Variants in NOSTRIN observed in about 807,000 individuals in gnomAD.
The protein encoded by NOSTRIN is nitric oxide synthase trafficking.
In NOSTRIN, 63 loss-of-function variants were observed where a neutral mutation model predicts 59.0. The observed-to-expected ratio is 1.07, with a 90% confidence interval of 0.87 to 1.32. The LOEUF is 1.32. Ranked by LOEUF, NOSTRIN falls within the 40% of genes most tolerant of loss-of-function variation. NOSTRIN has a pLI of 0.00. For synonymous variants in NOSTRIN, 200 were observed against 165.4 expected (o/e 1.21, Z -1.61); for missense variants, 512 against 473.1 (o/e 1.08, Z -0.76).
chr2:168,852,540 C>G (rs901944477), intron 10 of NOSTRIN, among the ~76,000 whole-genome samples: 5 of 152,200 alleles, frequency 3.3e-5, no homozygotes, highest in African/African-American at 1.2e-4. Context: ...CCTGGGTCCT[C>G]TGCCATATTT....
intron 2 of NOSTRIN, among the ~76,000 whole-genome samples, chr2:168,813,890 A>T (rs1686274836): frequency 6.6e-6 from 1 of 152,194 alleles, no homozygotes; most frequent in Admixed American, 6.5e-5. Flanking sequence ...TTACAATTAA[A>T]TTATTTCCCC....
At chr2:168,806,812 A>G (rs1207478896) in intron 1 of NOSTRIN, among the ~76,000 whole-genome samples, 3 of 152,170 alleles carry the variant, frequency 2.0e-5, no homozygotes, top group African/African-American at 7.2e-5. Context: ...TGGGTAGGAA[A>G]AGAACACCAA....
upstream of NOSTRIN, among the ~76,000 whole-genome samples, chr2:168,793,837 G>A (rs2105500871): frequency 6.6e-6 from 1 of 152,196 alleles, no homozygotes; most frequent in Middle Eastern, 3.4e-3. Context: ...TAATTTTCTG[G>A]ATACAACAGA....
Position 168,851,287 on chromosome 2 carries a change from G to A in NOSTRIN, c.738G>A (p.Thr246=), listed in dbSNP as rs369809650. The A allele has an allele frequency of 1.1e-5, 17 of 1,613,584 alleles. No homozygotes were observed. The South Asian group carries it at 1.3e-4, about 13-fold the overall frequency. Residue 246 remains threonine (T), a synonymous_variant, in exon 10 of 16, where the codon ACG becomes ACA. Transcript: ENST00000317647. The part of the protein sequence containing the change: ...LFGQTLTTCH[T]QIHCAISKID... The stretch of plus-strand genomic sequence containing the variant: ...TCCCCTTGGCATTGCAGTGCCACAC[G>A]CAGATTCACTGTGCCATCAGCAAGA...
chr2:168,837,247 AT>A (rs1307762969), intron 7 of NOSTRIN, among the ~76,000 whole-genome samples: 1 of 143,114 alleles, frequency 7.0e-6, no homozygotes, highest in African/African-American at 2.6e-5. Context: ...AGATATTGTC[AT>A]GTCTCCTTTT....
chr2:168,787,251 C>G (rs111845579), intron 1 of NOSTRIN, among the ~76,000 whole-genome samples: 30 of 152,266 alleles, frequency 2.0e-4, no homozygotes, highest in African/African-American at 7.0e-4. Context: ...CTTCCTACCA[C>G]CTGTTCTCCC....
At chr2:168,812,229 A>C (rs1686177538) in intron 2 of NOSTRIN, 1 of 152,174 alleles carries the variant, frequency 6.6e-6, no homozygotes, top group Non-Finnish European at 1.5e-5. Flanking sequence ...GAGAAAACCC[A>C]AGGAGTGAAT....
chr2:168,800,209 C>T (rs1165015068), upstream of NOSTRIN, among the ~76,000 whole-genome samples: 1 of 152,160 alleles, frequency 6.6e-6, no homozygotes, highest in African/African-American at 2.4e-5. Context: ...GTGTAGATGA[C>T]CTGCTTTTAC....
intron 10 of NOSTRIN, 81 bp from the exon 11 acceptor site, chr2:168,855,271 C>A: frequency 4.9e-6 from 3 of 611,040 alleles, no homozygotes; most frequent in South Asian, 3.2e-5. Flanking sequence ...TTAAATGCAG[C>A]CAGTGGAAGT....
chr2:168,797,972 T>C (rs1342108880), upstream of NOSTRIN, among the ~76,000 whole-genome samples: 3 of 152,294 alleles, frequency 2.0e-5, no homozygotes, highest in East Asian at 1.9e-4. Flanking sequence ...TCCAAAGATA[T>C]TCAAGTCCCT....
intron 2 of NOSTRIN, among the ~76,000 whole-genome samples, chr2:168,812,992 T>C (rs1686228181): frequency 1.4e-5 from 2 of 147,328 alleles, no homozygotes; most frequent in African/African-American, 4.9e-5. Context: ...ACCAGATTTA[T>C]CAAAAGGAGT....
At chr2:168,809,855 C>T (rs1686044497) in intron 1 of NOSTRIN, among the ~76,000 whole-genome samples, 2 of 151,750 alleles carry the variant, frequency 1.3e-5, no homozygotes, top group African/African-American at 4.8e-5. Flanking sequence ...ACTTTCATGA[C>T]TGACAGGAGG....
intron 2 of NOSTRIN, among the ~76,000 whole-genome samples, chr2:168,813,717 A>G (rs1686265928): frequency 6.6e-6 from 1 of 152,184 alleles, no homozygotes; most frequent in Admixed American, 6.6e-5. Flanking sequence ...ACATCTCAAG[A>G]GTCTACTGGT....
At chr2:168,856,602 T>C (rs1410191159) in intron 11 of NOSTRIN, 88 bp from the exon 12 acceptor site, 2 of 1,197,530 alleles carry the variant, frequency 1.7e-6, no homozygotes, top group East Asian at 4.7e-5. Context: ...TGGTATCACT[T>C]CTAGGCTCCC....
chr2:168,797,815 C>T (rs1295512512), upstream of NOSTRIN, among the ~76,000 whole-genome samples: 2 of 151,930 alleles, frequency 1.3e-5, no homozygotes, highest in African/African-American at 4.8e-5. Context: ...CTGTCTCTAC[C>T]TTGTGCCTCT....
Position 168,863,193 on chromosome 2 carries a change from C to A in NOSTRIN, c.1384+1144C>A, listed in dbSNP as rs539400. On this transcript the variant is annotated intron_variant, in intron 15 of 15. Coordinates refer to ENST00000317647, the MANE Select transcript of NOSTRIN (RefSeq NM_001039724.4). ...CTTTAAATGAAACACGACGTTGGAG[C>A]CTTAGGGAAGCTGGCAATACAATTT... Among the ~76,000 whole-genome samples the A allele has an allele frequency of 2.0e-5, 3 of 152,214 alleles. No individual in the cohort carries two copies. In the East Asian group the frequency reaches 5.8e-4, roughly 29 times the overall value.
rs532855393 is a variant in NOSTRIN, at chr2:168,820,153, G to A, written c.114-4481G>A. 5.3e-4 allele frequency among the ~76,000 whole-genome samples: 81 copies of A among 152,278 alleles called. No individual in the cohort carries two copies. The South Asian group carries it at 0.016, about 30-fold the overall frequency. ...CTCTTCCCCAAAACTTCAGAGGTAG[G>A]AAAGAGGTGTGGTTAAGCAGGCAGT... On this transcript the variant is annotated intron_variant, in intron 2 of 15. Transcript: ENST00000317647.
chr2:168,831,718 TCTAA>T (rs1447275089), intron 6 of NOSTRIN, among the ~76,000 whole-genome samples, 184 bp downstream of exon 6: 2 of 152,354 alleles, frequency 1.3e-5, no homozygotes, highest in African/African-American at 2.4e-5. Flanking sequence ...AGTGCATGGC[TCTAA>T]CTATGATTAT....
chr2:168,864,109 A>C (rs1042160952), intron 15 of NOSTRIN, among the ~76,000 whole-genome samples: 3 of 152,048 alleles, frequency 2.0e-5, no homozygotes, highest in African/African-American at 7.2e-5. Flanking sequence ...CTGGGACTAC[A>C]GGCGTGTGCC....
Sources: allele counts gnomAD v4.1 joint callset (sites outside exome capture counted in the v4.1 genomes callset), GRCh38; gene constraint gnomAD v4.1.1; transcripts MANE v1.5; gene names NCBI Gene and HGNC (gene_info 2026-07-23, HGNC 2026-07-21).